Variants in ANKMY1 observed in about 807,000 individuals in gnomAD.
The protein encoded by ANKMY1 is ankyrin repeat and MYND domain containing 1.
Under a neutral mutation model 102.0 loss-of-function variants are expected in ANKMY1, and 98 were observed. That is an observed-to-expected ratio of 0.96 (90% CI 0.82 to 1.14). ANKMY1 has a LOEUF of 1.14. ANKMY1 is among the 50% of genes most tolerant of loss of function. The probability of loss-of-function intolerance (pLI) is 0.00; values close to 1 mark genes in which losing one functional copy is unlikely to be tolerated. For missense variants in ANKMY1, 1,330 were observed against 1,347.6 expected, an observed-to-expected ratio of 0.99 and a Z score of 0.20; for synonymous variants, 582 against 559.9, an observed-to-expected ratio of 1.04 and a Z score of -0.56.
At chr2:240,501,167 A>T (rs950380333) in intron 13 of ANKMY1, among the ~76,000 whole-genome samples, 1 of 151,028 alleles carries the variant, frequency 6.6e-6, no homozygotes, top group African/African-American at 2.4e-5. Flanking sequence ...GGATATGTGC[A>T]TGCATGTTCA....
rs1472021219 is a variant in ANKMY1 at position 240,526,315 on chromosome 2, C to T, written c.1084G>A (p.Glu362Lys). The T allele has an allele frequency of 1.1e-5, 17 of 1,614,120 alleles. No homozygotes were observed. The highest frequency in any genetic ancestry group is 2.7e-5 in the African/African-American group (2 of 74,952). The change falls in exon 6 of 18, where the codon GAA becomes AAA. Residue 362 changes from glutamate to lysine, a missense_variant. By Grantham distance (56) the Glu-to-Lys change is moderately conservative (BLOSUM62 1). Coordinates refer to ENST00000401804, the MANE Select transcript of ANKMY1 (RefSeq NM_001282771.3). Reference protein sequence around the residue: ...MILKAEEGNHEWICRILKDNF... With the variant: ...MILKAEEGNHKWICRILKDNF... ...TCCTTCAGGATCCTACAAATCCATT[C>T]GTGGTTCCCTTCCTCAGCCTTTAGG...
intron 13 of ANKMY1, among the ~76,000 whole-genome samples, chr2:240,502,457 TCCACACTGACC>T (rs2078353221): frequency 6.6e-6 from 1 of 152,112 alleles, no homozygotes; most frequent in Admixed American, 6.5e-5. Context: ...CACAGACCCT[TCCACACTGACC>T]CCAACCCCTG....
chr2:240,560,682 G>A (rs1399661373), upstream of ANKMY1: 3 of 1,514,564 alleles, frequency 2.0e-6, no homozygotes, highest in Admixed American at 2.2e-5. Flanking sequence ...TTCGGCGGGC[G>A]CCATGGGACC....
At chr2:240,497,114 A>G (rs1373843596) in intron 15 of ANKMY1, among the ~76,000 whole-genome samples, 1 of 151,930 alleles carries the variant, frequency 6.6e-6, no homozygotes, top group African/African-American at 2.4e-5. Flanking sequence ...CCTCCTCGCC[A>G]TCTTGGAAGC....
intron 10 of ANKMY1, 99 bp downstream of exon 10, chr2:240,512,703 C>T: frequency 1.4e-6 from 2 of 1,416,100 alleles, no homozygotes; most frequent in Non-Finnish European, 1.9e-6. Flanking sequence ...CCAGGAGGCC[C>T]ATCATGCTCG....
intron 4 of ANKMY1, among the ~76,000 whole-genome samples, chr2:240,545,667 G>A (rs1335472853): frequency 1.3e-5 from 2 of 152,114 alleles, no homozygotes; most frequent in Non-Finnish European, 2.9e-5. Context: ...GTGCTTAAAG[G>A]AGCTGATGGA....
In ANKMY1 at chr2:240,520,223, C is replaced by T; in HGVS notation, c.2004+139G>A. 7.7e-7 allele frequency: 1 copy of T among 1,298,798 alleles called. No homozygotes were observed. The allele number at this position is 1,298,798 out of a possible 1,614,324, so 80.5% of individuals were successfully genotyped here. On this transcript the variant is annotated intron_variant, in intron 9 of 17. Transcript: ENST00000401804. This position sits in a 1 kb window ranked among gnomAD's most constrained non-coding sequence, Gnocchi z 4.8. ...CTGTGGGACCCCCCACTGCGGCGCG[C>T]CGTCATCACTCACAGCCCAGGTGGT...
downstream of ANKMY1, among the ~76,000 whole-genome samples, chr2:240,475,149 G>T (rs1210862093): frequency 6.6e-6 from 1 of 152,144 alleles, no homozygotes; most frequent in African/African-American, 2.4e-5. Context: ...TTGTGGTTTT[G>T]ATTTGCAGTT....
chr2:240,493,971 TG>T (rs2076942070), intron 15 of ANKMY1, among the ~76,000 whole-genome samples: 1 of 152,188 alleles, frequency 6.6e-6, no homozygotes, highest in Admixed American at 6.5e-5. Flanking sequence ...CAGTGTGTAC[TG>T]ATGTTGGCGG....
At chr2:240,471,198 A>T in the ANKMY1 span, among the ~76,000 whole-genome samples, 8 of 152,068 alleles carry the variant, frequency 5.3e-5, no homozygotes, top group African/African-American at 1.9e-4. Flanking sequence ...GGGTTTGTCC[A>T]CAGTGAGGAA....
At chr2:240,492,703 A>T (rs77455176) in intron 15 of ANKMY1, among the ~76,000 whole-genome samples, 2,544 of 151,736 alleles carry the variant, frequency 0.017, 161 homozygotes, top group East Asian at 0.15. Context: ...ATTTTTTTTT[A>T]AATTTGAGAC....
chr2:240,538,422 G>T (rs2087541857), intron 4 of ANKMY1, among the ~76,000 whole-genome samples: 1 of 152,174 alleles, frequency 6.6e-6, no homozygotes, highest in Non-Finnish European at 1.5e-5. Flanking sequence ...CTTAGCACCT[G>T]GGCCAGAAGC....
intron 15 of ANKMY1, among the ~76,000 whole-genome samples, chr2:240,489,341 A>C (rs1351115533): frequency 1.3e-5 from 2 of 152,156 alleles, no homozygotes; most frequent in Non-Finnish European, 2.9e-5. Context: ...CTGTAATCCC[A>C]GCTACTCTGG....
intron 1 of ANKMY1, 103 bp downstream of exon 1, chr2:240,557,777 TG>T: frequency 1.6e-6 from 1 of 628,618 alleles, no homozygotes; most frequent in Non-Finnish European, 2.0e-6. Flanking sequence ...GGCCCCTCCC[TG>T]GGGTGGGGAC....
At position 240,479,561 on chromosome 2, in the gene ANKMY1, CCA is replaced by C. The variant is rs2075097700; in HGVS notation, c.*46_*47del. 3 of 1,605,664 alleles carry C rather than the reference CCA, an allele frequency of 1.9e-6. No homozygotes were observed. Among genetic ancestry groups the C allele is most frequent in the African/African-American group, 1.3e-5 (1 of 74,742 alleles). On this transcript the variant is annotated 3_prime_UTR_variant, in exon 18 of 18. Coordinates refer to ENST00000401804, the MANE Select transcript of ANKMY1 (RefSeq NM_001282771.3). ...GAGGTGGCTCAGGCAGGTAAGAAAC[CCA>C]CACAGTCCTGGGTCCTCCCCAAGCC...
chr2:240,481,209 G>A (rs112401294), intron 16 of ANKMY1, 112 bp from the exon 17 acceptor site: 81,911 of 1,319,686 alleles, frequency 0.062, 2,685 homozygotes, highest in South Asian at 0.092. Flanking sequence ...ATTCCCCACC[G>A]TCCCGCACTG....
intron 15 of ANKMY1, among the ~76,000 whole-genome samples, chr2:240,484,053 A>G (rs1472571614): frequency 2.6e-5 from 4 of 152,216 alleles, no homozygotes; most frequent in African/African-American, 9.7e-5. Context: ...CATGGTGAAT[A>G]TGTGCCACAT....
At position 240,526,827 on chromosome 2, in the gene ANKMY1, C is replaced by A. The variant is rs144189968; in HGVS notation, c.954-382G>T. ...TGTGGTTCCAGTCTCAGCACCAACACCCACATTCCACCCTCTGCTCATCCA... is the reference window on the plus strand; with the variant it reads ...TGTGGTTCCAGTCTCAGCACCAACAACCACATTCCACCCTCTGCTCATCCA... On this transcript the variant is annotated intron_variant, in intron 5 of 17. Transcript: ENST00000401804. 6,018 of 1,187,396 alleles carry A rather than the reference C, an allele frequency of 5.1e-3. 21 individuals are homozygous for A. The highest frequency in any genetic ancestry group is 5.9e-3 in the Non-Finnish European group (5,596 of 946,656). 73.6% of individuals were successfully genotyped at this position (1,187,396 alleles called of 1,614,324 possible). A position where few individuals can be genotyped will look rare whatever the true frequency, so the allele number is the denominator to read the frequency against.
At chr2:240,530,845 C>A (rs1258537285) in intron 4 of ANKMY1, among the ~76,000 whole-genome samples, 3 of 151,878 alleles carry the variant, frequency 2.0e-5, no homozygotes, top group African/African-American at 7.3e-5. Flanking sequence ...ACCAGAAGTT[C>A]AAGGCTGCAG....
Sources: allele counts gnomAD v4.1 joint callset (sites outside exome capture counted in the v4.1 genomes callset), GRCh38; gene constraint gnomAD v4.1.1; non-coding constraint Gnocchi (gnomAD v3.1); transcripts MANE v1.5; gene names NCBI Gene and HGNC (gene_info 2026-07-23, HGNC 2026-07-21).